Variants in IQCH observed in about 807,000 individuals in gnomAD.
The protein encoded by IQCH is IQ domain-containing protein H.
A neutral mutation model predicts 117.0 loss-of-function variants in IQCH; 98 were observed. The ratio of observed to expected loss-of-function variants is 0.84; its 90% CI spans 0.71 to 0.99. The LOEUF is 0.99. Among genes scored for constraint, IQCH ranks in the 50% least tolerant of loss-of-function variants. The probability of loss-of-function intolerance (pLI) is 0.00; values close to 1 mark genes in which losing one functional copy is unlikely to be tolerated. For missense variants in IQCH, 1,102 were observed against 1,243.8 expected, an observed-to-expected ratio of 0.89 and a Z score of 1.72; for synonymous variants, 412 against 448.2, an observed-to-expected ratio of 0.92 and a Z score of 1.02.
chr15:67,399,696 TAA>T (rs991341416), intron 13 of IQCH, among the ~76,000 whole-genome samples: 1 of 152,204 alleles, frequency 6.6e-6, no homozygotes, highest in Non-Finnish European at 1.5e-5. Flanking sequence ...CCCAAACAGT[TAA>T]AGTTTTCAAG....
Position 67,454,691 on chromosome 15 carries a change from T to G in IQCH, c.2506-10436T>G, listed in dbSNP as rs2140999116. The stretch of plus-strand genomic sequence containing the variant: ...TGTGACTGGTTTCTTTCAGTTTCTA[T>G]AATGTTTTCAAGGTTCCATCATGTT... On this transcript the variant is annotated intron_variant, in intron 16 of 20. Coordinates refer to ENST00000335894, the MANE Select transcript of IQCH (RefSeq NM_001031715.3). This position sits in a 1 kb window ranked among gnomAD's most constrained non-coding sequence, Gnocchi z 5.2. 6.6e-6 allele frequency among the ~76,000 whole-genome samples: 1 copy of G among 152,334 alleles called. No homozygotes were observed. The highest frequency in any genetic ancestry group is 3.4e-3 in the Middle Eastern group (1 of 294).
chr15:67,306,766 T>C, intron 4 of IQCH: 1 of 1,184,146 alleles, frequency 8.4e-7, no homozygotes, highest in South Asian at 1.3e-5. Context: ...TCACTGGTGA[T>C]TTTTTCAATA....
chr15:67,328,692 TAAAATC>T (rs1226592311), intron 4 of IQCH, among the ~76,000 whole-genome samples: 4 of 152,212 alleles, frequency 2.6e-5, no homozygotes, highest in Non-Finnish European at 5.9e-5. Context: ...ATTTATGACT[TAAAATC>T]AATACTTAAA....
chr15:67,333,844 C>T (rs188425202), intron 4 of IQCH, among the ~76,000 whole-genome samples: 1 of 152,154 alleles, frequency 6.6e-6, no homozygotes, highest in East Asian at 1.9e-4. Flanking sequence ...ATGGCTTGAG[C>T]TCAGGAGTTC....
intron 20 of IQCH, among the ~76,000 whole-genome samples, chr15:67,498,382 G>A (rs919195201): frequency 7.2e-5 from 11 of 152,070 alleles, no homozygotes; most frequent in Non-Finnish European, 1.5e-4. Context: ...TTGGGAGGCC[G>A]AGGCAGGTGG....
intron 4 of IQCH, among the ~76,000 whole-genome samples, chr15:67,296,171 T>C (rs1364592567): frequency 6.6e-6 from 1 of 152,156 alleles, no homozygotes. Flanking sequence ...TCTCAAGAAA[T>C]GTTTGAATGA....
intron 15 of IQCH, among the ~76,000 whole-genome samples, chr15:67,420,944 GA>G (rs1162042414): frequency 1.3e-5 from 2 of 152,150 alleles, no homozygotes; most frequent in African/African-American, 4.8e-5. Flanking sequence ...AATTCCCCAT[GA>G]GGGATTTGAC....
rs1271876224 is a variant in IQCH, at chr15:67,480,246, CTG to C, written c.2799+4430_2799+4431del. ...TCCTCCTTCCAGGCACATAACGAAACTGTATTTCCTCAGCCCTCCTCCTGAAG... is the reference window on the plus strand; with the variant it reads ...TCCTCCTTCCAGGCACATAACGAAACTATTTCCTCAGCCCTCCTCCTGAAG... On this transcript the variant is annotated intron_variant, in intron 18 of 20. Transcript: ENST00000335894. 4.6e-5 allele frequency among the ~76,000 whole-genome samples: 7 copies of C among 152,356 alleles called. No homozygotes were observed. The East Asian group carries it at 1.3e-3, about 29-fold the overall frequency.
rs545571077 is a variant in IQCH, at chr15:67,381,028, T to C, written c.1373-3908T>C. 1.3e-5 allele frequency among the ~76,000 whole-genome samples: 2 copies of C among 152,268 alleles called. No homozygotes were observed. The highest frequency in any genetic ancestry group is 3.9e-4 in the East Asian group (2 of 5,186). On this transcript the variant is annotated intron_variant, in intron 10 of 20. Transcript: ENST00000335894. This position sits in a 1 kb window ranked among gnomAD's most constrained non-coding sequence, Gnocchi z 5.1. ...ACCCACTGGGTAAGAAGCTGAGTTT[T>C]CAAGAACGTGTGATCTGCTGCAACA...
rs1442994499 is a variant in IQCH at position 67,359,923 on chromosome 15, G to T, written c.753+38G>T. Reference sequence around the variant, plus strand: ...TGTGACTAGTTGAAATTTAGGGTCTGTCACCTGATGTCCCTTCCTTTTGCT... The same window carrying T: ...TGTGACTAGTTGAAATTTAGGGTCTTTCACCTGATGTCCCTTCCTTTTGCT... On this transcript the variant is annotated intron_variant, in intron 8 of 20. Transcript: ENST00000335894. The surrounding 1 kb of genome is among the most constrained non-coding windows in gnomAD (Gnocchi z 4.5). The T allele has an allele frequency of 6.6e-7, 1 of 1,509,364 alleles. No homozygotes were observed. Among genetic ancestry groups the T allele is most frequent in the East Asian group, 2.3e-5 (1 of 44,310 alleles). 93.5% of individuals were successfully genotyped at this position (1,509,364 alleles called of 1,614,324 possible).
chr15:67,424,944 AT>A lies in IQCH; in HGVS notation c.2505+3375del, dbSNP rs1161882997. Reference sequence around the variant, plus strand: ...TGGTATCACTTCAGAAAACATCTTAATTTTTTTTCTAATTGACATGCCTTGT... The same window carrying A: ...TGGTATCACTTCAGAAAACATCTTAATTTTTTTCTAATTGACATGCCTTGT... On this transcript the variant is annotated intron_variant, in intron 16 of 20. Coordinates refer to ENST00000335894, the MANE Select transcript of IQCH (RefSeq NM_001031715.3). The surrounding 1 kb of genome is among the most constrained non-coding windows in gnomAD (Gnocchi z 4.9). 2.0e-5 allele frequency among the ~76,000 whole-genome samples: 3 copies of A among 152,026 alleles called. No individual in the cohort carries two copies. The highest frequency in any genetic ancestry group is 7.2e-5 in the African/African-American group (3 of 41,384).
intron 3 of IQCH, 23 bp downstream of exon 3, chr15:67,263,239 G>A (rs780986502): frequency 8.8e-6 from 10 of 1,135,818 alleles, no homozygotes; most frequent in South Asian, 6.5e-5. Flanking sequence ...GCCATTTAGA[G>A]CCCAAAGTAA....
chr15:67,390,752 G>A lies in IQCH; in HGVS notation c.1632+1746G>A, dbSNP rs540759704. Among the ~76,000 whole-genome samples the A allele has an allele frequency of 1.3e-5, 2 of 152,292 alleles. No homozygotes were observed. The highest frequency in any genetic ancestry group is 2.1e-4 in the South Asian group (1 of 4,826). On this transcript the variant is annotated intron_variant, in intron 12 of 20. Coordinates refer to ENST00000335894, the MANE Select transcript of IQCH (RefSeq NM_001031715.3). This position sits in a 1 kb window ranked among gnomAD's most constrained non-coding sequence, Gnocchi z 5.0. ...GATCCGCCTGCCTTGGCCTCCCAAAGTGCTGGGGTTACAGGTGTGAGCCAC... is the reference window on the plus strand; with the variant it reads ...GATCCGCCTGCCTTGGCCTCCCAAAATGCTGGGGTTACAGGTGTGAGCCAC...
chr15:67,360,936 T>A (rs1407090641), intron 8 of IQCH, among the ~76,000 whole-genome samples: 1 of 152,284 alleles, frequency 6.6e-6, no homozygotes, highest in South Asian at 2.1e-4. Context: ...AGCTTGATTC[T>A]GCAGGTTAAA....
chr15:67,424,087 G>T lies in IQCH; in HGVS notation c.2505+2510G>T, dbSNP rs377372035. On this transcript the variant is annotated intron_variant, in intron 16 of 20. Transcript: ENST00000335894. This position sits in a 1 kb window ranked among gnomAD's most constrained non-coding sequence, Gnocchi z 4.9. ...ACCCTTCTGGGCTTCTGGCTGAAAG[G>T]TCCCACCCTTCACTTGGCTGGTTCC... Among the ~76,000 whole-genome samples the T allele has an allele frequency of 1.6e-4, 24 of 152,108 alleles. No individual in the cohort carries two copies. Among genetic ancestry groups the T allele is most frequent in the African/African-American group, 5.6e-4 (23 of 41,414 alleles).
In IQCH at chr15:67,476,055, A is replaced by G. The variant is rs2083194847; in HGVS notation, c.2799+237A>G. 6.6e-6 allele frequency among the ~76,000 whole-genome samples: 1 copy of G among 152,260 alleles called. No homozygotes were observed. Among genetic ancestry groups the G allele is most frequent in the Non-Finnish European group, 1.5e-5 (1 of 68,050 alleles). On this transcript the variant is annotated intron_variant, in intron 18 of 20. Transcript: ENST00000335894. The surrounding 1 kb of genome is among the most constrained non-coding windows in gnomAD (Gnocchi z 4.1). The stretch of plus-strand genomic sequence containing the variant: ...TCTTACACACCCACTTTGCTAAAGC[A>G]GAAGCCATGCAAGCTCTCCAGACTT...
chr15:67,286,908 C>T (rs562924538), intron 4 of IQCH, among the ~76,000 whole-genome samples: 8 of 152,268 alleles, frequency 5.3e-5, no homozygotes, highest in South Asian at 2.1e-4. Context: ...CCACCACGCC[C>T]GGCCTATATA....
At chr15:67,297,792 T>C (rs1966864573) in intron 4 of IQCH, among the ~76,000 whole-genome samples, 1 of 152,034 alleles carries the variant, frequency 6.6e-6, no homozygotes, top group Admixed American at 6.6e-5. Flanking sequence ...ATTTCTTGAG[T>C]AATACCCTAC....
At position 67,490,769 on chromosome 15, in the gene IQCH, A is replaced by T. The variant is rs572575837; in HGVS notation, c.2861+705A>T. 2.0e-5 allele frequency among the ~76,000 whole-genome samples: 3 copies of T among 152,232 alleles called. No individual in the cohort carries two copies. Among genetic ancestry groups the T allele is most frequent in the Admixed American group, 2.0e-4 (3 of 15,294 alleles). ...TGTCCCCCTAACAGGCAGGATCTGTAGCTCCTCCTCAGATCCAGTTTCAAC... is the reference window on the plus strand; with the variant it reads ...TGTCCCCCTAACAGGCAGGATCTGTTGCTCCTCCTCAGATCCAGTTTCAAC... On this transcript the variant is annotated intron_variant, in intron 19 of 20. Transcript: ENST00000335894. This position sits in a 1 kb window ranked among gnomAD's most constrained non-coding sequence, Gnocchi z 4.9.
Sources: gnomAD v4.1 joint callset for allele counts (sites outside exome capture counted in the v4.1 genomes callset) on GRCh38, gnomAD v4.1.1 for gene constraint, Gnocchi (gnomAD v3.1) non-coding constraint, MANE v1.5 for transcripts, NCBI Gene and HGNC (gene_info 2026-07-23, HGNC 2026-07-21) for gene names.